The following DROSHA variants were observed in gnomAD, a reference collection of about 807,000 sequenced individuals.
DROSHA encodes ribonuclease 3.
DROSHA carries 56 observed loss-of-function variants against 181.9 expected under a neutral mutation model. That is an observed-to-expected ratio of 0.31 (90% CI 0.25 to 0.38). The LOEUF is 0.38. Ranked by LOEUF, DROSHA falls within the 10% of genes least tolerant of loss-of-function variation. DROSHA has a pLI of 1.00. For synonymous variants in DROSHA, 524 were observed against 591.2 expected (o/e 0.89, Z 1.65); for missense variants, 1,218 against 1,743.5 (o/e 0.70, Z 5.37).
At chr5:31,510,751 C>T (rs1027853554) in intron 9 of DROSHA, among the ~76,000 whole-genome samples, 14 of 152,188 alleles carry the variant, frequency 9.2e-5, no homozygotes, top group African/African-American at 3.1e-4. Context: ...GGCTCCTGCT[C>T]TCGGAAAGAT....
At chr5:31,510,003 AAT>A (rs1738478889) in intron 9 of DROSHA, among the ~76,000 whole-genome samples, 2 of 150,964 alleles carry the variant, frequency 1.3e-5, no homozygotes, top group Admixed American at 1.3e-4. Context: ...TACGCTTAAA[AAT>A]AGTTAAGATG....
At chr5:31,432,933 AATC>A (rs1158795279) in intron 25 of DROSHA, among the ~76,000 whole-genome samples, 1 of 152,238 alleles carries the variant, frequency 6.6e-6, no homozygotes, top group Non-Finnish European at 1.5e-5. Flanking sequence ...AATAAATGGA[AATC>A]ATAATTCTTT....
chr5:31,446,956 C>T (rs1222974576), intron 23 of DROSHA, among the ~76,000 whole-genome samples: 1 of 152,136 alleles, frequency 6.6e-6, no homozygotes, highest in Non-Finnish European at 1.5e-5. Context: ...GTGAGAATCG[C>T]TTGAACCCAG....
intron 16 of DROSHA, among the ~76,000 whole-genome samples, chr5:31,480,151 T>C (rs1379511611): frequency 2.8e-5 from 4 of 140,562 alleles, no homozygotes; most frequent in Non-Finnish European, 1.6e-5. Flanking sequence ...TTCAAGTCTT[T>C]TGCCCGTTTT....
intron 25 of DROSHA, among the ~76,000 whole-genome samples, chr5:31,433,779 C>G (rs1744478987): frequency 6.6e-6 from 1 of 152,196 alleles, no homozygotes; most frequent in Non-Finnish European, 1.5e-5. Context: ...ATCTCCTGAC[C>G]TCGTGATCTG....
At chr5:31,486,814 C>A (rs1242703306) in intron 13 of DROSHA, 1 of 346,472 alleles carries the variant, frequency 2.9e-6, no homozygotes, top group Admixed American at 4.5e-5. Context: ...AGCAGCAACA[C>A]AAACATGACA....
intron 5 of DROSHA, among the ~76,000 whole-genome samples, chr5:31,524,036 C>A (rs182898453): frequency 6.7e-6 from 1 of 149,698 alleles, no homozygotes; most frequent in African/African-American, 2.5e-5. Flanking sequence ...CCTTTGCCAA[C>A]TAGTCCATCA....
chr5:31,502,638 C>T (rs996220946), intron 11 of DROSHA, among the ~76,000 whole-genome samples: 9 of 152,246 alleles, frequency 5.9e-5, no homozygotes, highest in Admixed American at 4.6e-4. Context: ...GGGCAGATGG[C>T]CCGGATCCCC....
intron 6 of DROSHA, among the ~76,000 whole-genome samples, chr5:31,519,073 T>C (rs977257964): frequency 6.6e-6 from 1 of 152,224 alleles, no homozygotes; most frequent in Non-Finnish European, 1.5e-5. Context: ...TATGCCACAG[T>C]GCAAACTGGT....
intron 16 of DROSHA, among the ~76,000 whole-genome samples, chr5:31,472,976 C>G (rs546907544): frequency 1.3e-5 from 2 of 152,324 alleles, no homozygotes; most frequent in Admixed American, 6.5e-5. Flanking sequence ...AATGTGGGGT[C>G]CACAGGCTTC....
intron 20 of DROSHA, chr5:31,463,957 A>C (rs762063444): frequency 1.7e-4 from 64 of 379,844 alleles, no homozygotes; most frequent in Non-Finnish European, 2.1e-4. Flanking sequence ...ATGAGGACAG[A>C]CTTACCTTTA....
At chr5:31,458,050 AAC>A (rs1677526593) in intron 20 of DROSHA, among the ~76,000 whole-genome samples, 1 of 152,214 alleles carries the variant, frequency 6.6e-6, no homozygotes, top group African/African-American at 2.4e-5. Flanking sequence ...GACAAAAATG[AAC>A]ACAGACAGTC....
intron 35 of DROSHA, among the ~76,000 whole-genome samples, chr5:31,402,941 A>C (rs1329908347): frequency 6.6e-6 from 1 of 152,144 alleles, no homozygotes; most frequent in Non-Finnish European, 1.5e-5. Context: ...TGCCACCACA[A>C]CCGGCTAATT....
At position 31,470,867 on chromosome 5, in the gene DROSHA, G is replaced by A. The variant is rs556965823; in HGVS notation, c.2241+1196C>T. Among the ~76,000 whole-genome samples the A allele has an allele frequency of 1.3e-5, 2 of 152,116 alleles. No homozygotes were observed. The highest frequency in any genetic ancestry group is 2.4e-5 in the African/African-American group (1 of 41,498). On this transcript the variant is annotated intron_variant, in intron 17 of 35. Transcript: ENST00000344624. The surrounding 1 kb of genome is among the most constrained non-coding windows in gnomAD (Gnocchi z 4.0). ...AAACTGGACATCTGCCACCACCACC[G>A]CCCCATCCTCTGACTCAGCATGAAA...
chr5:31,469,028 A>G (rs2150027277), intron 17 of DROSHA, among the ~76,000 whole-genome samples: 1 of 152,312 alleles, frequency 6.6e-6, no homozygotes, highest in Admixed American at 6.5e-5. Context: ...CTGTGATACC[A>G]GCCAGCCATC....
chr5:31,482,009 C>G (rs1751082442), intron 16 of DROSHA, among the ~76,000 whole-genome samples: 1 of 152,200 alleles, frequency 6.6e-6, no homozygotes, highest in African/African-American at 2.4e-5. Flanking sequence ...AAGCCAGACT[C>G]CGACAGGCTC....
chr5:31,410,731 G>A lies in DROSHA; in HGVS notation c.3667+15C>T, dbSNP rs1437106925. The A allele has an allele frequency of 2.5e-6, 4 of 1,610,728 alleles. No individual in the cohort carries two copies. The highest frequency in any genetic ancestry group is 3.4e-6 in the Non-Finnish European group (4 of 1,178,486). On this transcript the variant is annotated intron_variant, in intron 31 of 35. Coordinates refer to ENST00000344624, the MANE Select transcript of DROSHA (RefSeq NM_001382508.1). ...TCTGAACCTGGAGGTTGAGAGAAAA[G>A]TGTGTGGCACTCACATTCCAAAAGG...
chr5:31,527,240 T>G (rs1740701674), intron 4 of DROSHA, among the ~76,000 whole-genome samples: 2 of 152,070 alleles, frequency 1.3e-5, no homozygotes, highest in Admixed American at 1.3e-4. Context: ...TTGCTCAAGT[T>G]CCCCTCTGAT....
chr5:31,473,112 G>A (rs1749938438), intron 16 of DROSHA, among the ~76,000 whole-genome samples: 1 of 152,138 alleles, frequency 6.6e-6, no homozygotes, highest in South Asian at 2.1e-4. Flanking sequence ...CCTCTCCCAG[G>A]TTATGAGATA....
Sources: allele counts gnomAD v4.1 joint callset (sites outside exome capture counted in the v4.1 genomes callset), GRCh38; gene constraint gnomAD v4.1.1; non-coding constraint Gnocchi (gnomAD v3.1); transcripts MANE v1.5; gene names NCBI Gene and HGNC (gene_info 2026-07-23, HGNC 2026-07-21).